Variants in TET3 observed in about 807,000 individuals in gnomAD.
TET3 encodes the protein methylcytosine dioxygenase TET3.
TET3 carries 19 observed loss-of-function variants against 141.4 expected under a neutral mutation model. That is an observed-to-expected ratio of 0.13 (90% CI 0.09 to 0.20). The LOEUF is 0.20. TET3 is among the 10% of genes least tolerant of loss of function. The pLI is 1.00. For synonymous variants in TET3, 1,043 were observed against 980.9 expected (o/e 1.06, Z -1.18); for missense variants, 1,874 against 2,356.9 (o/e 0.80, Z 4.24).
chr2:74,047,415 G>A lies in TET3; in HGVS notation c.1498G>A (p.Ala500Thr). 6.2e-7 allele frequency: 1 copy of A among 1,612,508 alleles called. No homozygotes were observed. Among genetic ancestry groups the A allele is most frequent in the South Asian group, 1.1e-5 (1 of 90,902 alleles). The part of the protein sequence containing the change: ...VKVEAPSSSP[A>T]PAPSPVLQRE... ...GGTGGAGGCACCCTCTTCCTCCCCGGCCCCGGCCCCATCCCCTGTACTTCA... is the reference window on the plus strand; with the variant it reads ...GGTGGAGGCACCCTCTTCCTCCCCGACCCCGGCCCCATCCCCTGTACTTCA... Residue 500 changes from alanine (A) to threonine (T), a missense_variant, in exon 4 of 12, where the codon GCC (alanine) becomes ACC (threonine). Ala to Thr is a moderately conservative substitution (Grantham distance 58). Transcript: ENST00000409262.
At chr2:74,023,349 C>T (rs989254833) in intron 3 of TET3, among the ~76,000 whole-genome samples, 12 of 152,050 alleles carry the variant, frequency 7.9e-5, no homozygotes, top group African/African-American at 2.9e-4. Flanking sequence ...CACAATCACT[C>T]CTCCTGCCTC....
intron 3 of TET3, among the ~76,000 whole-genome samples, chr2:74,038,869 T>C (rs1687200641): frequency 6.6e-6 from 1 of 152,168 alleles, no homozygotes; most frequent in African/African-American, 2.4e-5. Flanking sequence ...CAGCCTGTGG[T>C]GGAAAGGACT....
At chr2:74,026,951 C>T (rs1686398799) in intron 3 of TET3, among the ~76,000 whole-genome samples, 1 of 152,264 alleles carries the variant, frequency 6.6e-6, no homozygotes, top group Non-Finnish European at 1.5e-5. Context: ...ACCACTCCTA[C>T]TGTCCCCTGC....
chr2:74,032,069 G>T (rs1318967018), intron 3 of TET3, among the ~76,000 whole-genome samples: 2 of 152,182 alleles, frequency 1.3e-5, no homozygotes, highest in Non-Finnish European at 2.9e-5. Context: ...AAACGTAAAG[G>T]TGCTTATTTA....
intron 4 of TET3, among the ~76,000 whole-genome samples, chr2:74,048,889 G>A (rs1000992654): frequency 6.6e-6 from 1 of 152,162 alleles, no homozygotes; most frequent in Non-Finnish European, 1.5e-5. Flanking sequence ...GGTGTCAGGG[G>A]CCAGATTGTG....
Position 74,101,224 on chromosome 2 carries a change from G to C in TET3, c.4436G>C (p.Cys1479Ser), listed in dbSNP as rs1260513159. The change falls in exon 12 of 12, where the codon TGC becomes TCC. Residue 1479 changes from cysteine to serine, a missense_variant. Physicochemically the swap from Cys to Ser is moderately radical, Grantham distance 112. Transcript: ENST00000409262. This position sits in a 1 kb window ranked among gnomAD's most constrained non-coding sequence, Gnocchi z 8.5. ...PDKLSSFGAS[C>S]LAPSHFTDGQ... is the part of the protein sequence containing the mutation. ...AAGCTCAGTTCCTTTGGGGCCAGCT[G>C]CCTGGCCCCTTCCCACTTCACAGAT... 1.2e-6 allele frequency: 2 copies of C among 1,612,856 alleles called. No individual in the cohort carries two copies. Among genetic ancestry groups the C allele is most frequent in the Non-Finnish European group, 1.7e-6 (2 of 1,179,456 alleles).
intron 4 of TET3, among the ~76,000 whole-genome samples, chr2:74,058,338 C>T (rs1446515163): frequency 2.0e-5 from 3 of 152,094 alleles, no homozygotes; most frequent in East Asian, 1.9e-4. Flanking sequence ...TGGGAACACT[C>T]GGTGTTCTCG....
intron 3 of TET3, among the ~76,000 whole-genome samples, chr2:74,016,321 A>G (rs1376050603): frequency 6.6e-6 from 1 of 151,878 alleles, no homozygotes; most frequent in Non-Finnish European, 1.5e-5. Context: ...AAAAAAAAAA[A>G]TTCAATGGAC....
chr2:74,134,257 C>T, the TET3 span, among the ~76,000 whole-genome samples: 3 of 152,160 alleles, frequency 2.0e-5, no homozygotes, highest in Non-Finnish European at 4.4e-5. Context: ...AGAGGTGGCT[C>T]GGGCCTTCAG....
At chr2:73,996,318 ATCT>A (rs201262580) in intron 2 of TET3, among the ~76,000 whole-genome samples, 1,639 of 152,070 alleles carry the variant, frequency 0.011, 10 homozygotes, top group Middle Eastern at 0.017. Context: ...AGACCCCTTC[ATCT>A]TCTTTTTTAG....
rs139112349 is a variant in TET3 at position 74,089,126 on chromosome 2, C to A, written c.2889-771C>A. 7.3e-5 allele frequency among the ~76,000 whole-genome samples: 11 copies of A among 151,672 alleles called. No homozygotes were observed. The East Asian group carries it at 2.1e-3, about 29-fold the overall frequency. On this transcript the variant is annotated intron_variant, in intron 7 of 11. Coordinates refer to ENST00000409262, the MANE Select transcript of TET3 (RefSeq NM_001287491.2). ...AAAAGACATAGAACAGTTCCATCTT[C>A]CCCCCGAAGTGCCCCATGCATGCCC...
the TET3 span, among the ~76,000 whole-genome samples, chr2:74,123,784 T>C: frequency 6.8e-6 from 1 of 147,622 alleles, no homozygotes; most frequent in African/African-American, 2.5e-5. Flanking sequence ...GAGCGCCTCT[T>C]CCCGGCCGCC....
At chr2:74,111,176 T>C (rs556885774), downstream of TET3, among the ~76,000 whole-genome samples, 1 of 152,314 alleles carries the variant, frequency 6.6e-6, no homozygotes, top group South Asian at 2.1e-4. Flanking sequence ...TGTGACCTCT[T>C]GTCCTTTAAA....
rs140703310 is a variant in TET3 at position 74,080,674 on chromosome 2, C to A, written c.2679+83C>A. On this transcript the variant is annotated intron_variant, in intron 6 of 11. Transcript: ENST00000409262. ...CCACGGCTGTGCCTGGTTCCCCTTGCTGCATGTAGCTGAGCAGGCGAGGGC... is the reference window on the plus strand; with the variant it reads ...CCACGGCTGTGCCTGGTTCCCCTTGATGCATGTAGCTGAGCAGGCGAGGGC... 1.5e-4 allele frequency: 179 copies of A among 1,169,134 alleles called. No homozygotes were observed. The African/African-American group carries it at 2.8e-3, about 18-fold the overall frequency. The allele number at this position is 1,169,134 out of a possible 1,614,324, so 72.4% of individuals were successfully genotyped here.
At chr2:74,089,509 G>A (rs1043600738) in intron 7 of TET3, among the ~76,000 whole-genome samples, 3 of 152,190 alleles carry the variant, frequency 2.0e-5, no homozygotes, top group Non-Finnish European at 4.4e-5. Context: ...AAATAGACAC[G>A]TTCAAACCCT....
In TET3 at chr2:74,058,954, T is replaced by C. The variant is rs117315286; in HGVS notation, c.2494+10543T>C. The stretch of plus-strand genomic sequence containing the variant: ...TTTATGAAAACATGACCAGGCTCAT[T>C]TGTTGATCCGTTGTCTATAGCCACT... On this transcript the variant is annotated intron_variant, in intron 4 of 11. Transcript: ENST00000409262. Among the ~76,000 whole-genome samples the C allele has an allele frequency of 4.5e-4, 68 of 152,350 alleles. No homozygotes were observed. In the East Asian group the frequency reaches 0.012, roughly 27 times the overall value.
At chr2:74,041,847 C>CT (rs1374230529) in intron 3 of TET3, among the ~76,000 whole-genome samples, 14 of 152,192 alleles carry the variant, frequency 9.2e-5, no homozygotes, top group African/African-American at 3.4e-4. Flanking sequence ...CTTCTTCCAT[C>CT]TTTAATTTAT....
intron 2 of TET3, among the ~76,000 whole-genome samples, chr2:73,994,690 G>C (rs1473531407): frequency 1.4e-5 from 2 of 145,872 alleles, no homozygotes; most frequent in African/African-American, 5.2e-5. Context: ...CCAGGCTGGA[G>C]TGCAGTGGTA....
At chr2:74,018,466 G>C (rs1258860934) in intron 3 of TET3, among the ~76,000 whole-genome samples, 3 of 152,114 alleles carry the variant, frequency 2.0e-5, no homozygotes, top group East Asian at 1.9e-4. Context: ...TAGATGTTCA[G>C]ATTTCTAAGG....
Sources: allele counts gnomAD v4.1 joint callset (sites outside exome capture counted in the v4.1 genomes callset), GRCh38; gene constraint gnomAD v4.1.1; non-coding constraint Gnocchi (gnomAD v3.1); transcripts MANE v1.5; gene names NCBI Gene and HGNC (gene_info 2026-07-23, HGNC 2026-07-21).